Variants in DYDC2 observed in about 807,000 individuals in gnomAD.
DYDC2 encodes DPY30 domain containing 2.
In DYDC2, 19 loss-of-function variants were observed where a neutral mutation model predicts 18.7. The observed-to-expected ratio is 1.02, with a 90% confidence interval of 0.71 to 1.49. The LOEUF (loss-of-function observed/expected upper bound fraction) is 1.49. Among genes scored for constraint, DYDC2 ranks in the 40% most tolerant of loss-of-function variants. The probability of loss-of-function intolerance (pLI) is 0.00; values close to 1 mark genes in which losing one functional copy is unlikely to be tolerated. For missense variants in DYDC2, 179 were observed against 205.1 expected (o/e 0.87, Z 0.78); for synonymous variants, 63 against 67.6 (o/e 0.93, Z 0.34).
At chr10:80,352,546 G>T, upstream of DYDC2, 1 of 1,613,430 alleles carries the variant, frequency 6.2e-7, no homozygotes, top group Non-Finnish European at 8.5e-7. Context: ...TGCCACTTCT[G>T]CAAGACCTTG....
At chr10:80,360,163 C>T (rs1055407801) in intron 2 of DYDC2, among the ~76,000 whole-genome samples, 3 of 152,238 alleles carry the variant, frequency 2.0e-5, no homozygotes, top group Non-Finnish European at 4.4e-5. Context: ...GGAGACACCA[C>T]CCACCTCTGT....
At position 80,367,126 on chromosome 10, in the gene DYDC2, A is replaced by G. The variant is rs1403895496; in HGVS notation, c.*175A>G. On this transcript the variant is annotated 3_prime_UTR_variant, in exon 5 of 5. Coordinates refer to ENST00000256039, the MANE Select transcript of DYDC2 (RefSeq NM_032372.6). ...ACATTTGAACTAGTTATAGGATAAA[A>G]TAAACTCAGAATAAGGATTTAAAAT... 4.2e-6 allele frequency: 3 copies of G among 716,694 alleles called. No individual in the cohort carries two copies. The highest frequency in any genetic ancestry group is 2.9e-5 in the East Asian group (1 of 34,610). The allele number at this position is 716,694 out of a possible 1,614,324, so 44.4% of individuals were successfully genotyped here. A position where few individuals can be genotyped will look rare whatever the true frequency, so the allele number is the denominator to read the frequency against.
chr10:80,356,626 C>T, upstream of DYDC2: 3 of 985,270 alleles, frequency 3.0e-6, no homozygotes, highest in South Asian at 4.7e-5. Flanking sequence ...CAAGGCCCAA[C>T]GGTCAGAACC....
At position 80,366,724 on chromosome 10, in the gene DYDC2, A is replaced by G. The variant is rs753930252; in HGVS notation, c.307A>G (p.Ile103Val). The G allele has an allele frequency of 3.1e-6, 5 of 1,612,414 alleles. No individual in the cohort carries two copies. The highest frequency in any genetic ancestry group is 1.1e-5 in the South Asian group (1 of 90,714). Residue 103 changes from isoleucine (I) to valine (V), a missense_variant, in exon 5 of 5, where the codon ATA (isoleucine) becomes GTA (valine). Transcript: ENST00000256039. ...TSETVSTKKTIFMQEDTNPLE... is the reference protein window; with the variant it reads ...TSETVSTKKTVFMQEDTNPLE... ...TGAAACTGTTTCCACGAAGAAGACC[A>G]TATTCATGCAGGAGGACACAAACCC...
chr10:80,359,641 G>A (rs1010240839), intron 2 of DYDC2, among the ~76,000 whole-genome samples: 1 of 152,176 alleles, frequency 6.6e-6, no homozygotes, highest in South Asian at 2.1e-4. Flanking sequence ...GCCCCGTGGG[G>A]AGGCAGTAGA....
At chr10:80,366,111 C>A (rs1033637269) in intron 4 of DYDC2, among the ~76,000 whole-genome samples, 1 of 136,766 alleles carries the variant, frequency 7.3e-6, no homozygotes, top group African/African-American at 2.8e-5. Context: ...TGGCTCACTG[C>A]AACCTCTGCC....
chr10:80,346,783 A>G (rs1205585712), intron 1 of DYDC2, among the ~76,000 whole-genome samples: 1 of 151,836 alleles, frequency 6.6e-6, no homozygotes, highest in Non-Finnish European at 1.5e-5. Flanking sequence ...TTCTGATAAC[A>G]GCCATCTTAG....
At chr10:80,351,457 A>G (rs908301567) in intron 1 of DYDC2, among the ~76,000 whole-genome samples, 5 of 151,128 alleles carry the variant, frequency 3.3e-5, no homozygotes, top group African/African-American at 1.2e-4. Context: ...CATTGCCTAC[A>G]TTTTCCACCT....
chr10:80,353,960 A>T (rs2132849206), upstream of DYDC2, among the ~76,000 whole-genome samples: 1 of 152,044 alleles, frequency 6.6e-6, no homozygotes, highest in South Asian at 2.1e-4. Flanking sequence ...CTGAAAATAC[A>T]AACAAATTAG....
rs755351824 is a variant in DYDC2 at position 80,366,928 on chromosome 10, C to T, written c.511C>T (p.Pro171Ser). 6.2e-7 allele frequency: 1 copy of T among 1,613,444 alleles called. No homozygotes were observed. The highest frequency in any genetic ancestry group is 8.5e-7 in the Non-Finnish European group (1 of 1,179,802). ...FQHEVAHEMP[P>S]GSKSPF is the part of the protein sequence containing the mutation. ...GCATGAAGTTGCTCATGAAATGCCT[C>T]CTGGCTCCAAATCTCCTTTTTAGGT... The change falls in exon 5 of 5, where the codon CCT becomes TCT. Residue 171 changes from proline to serine, a missense_variant. By Grantham distance (74) the Pro-to-Ser change is moderately conservative. Coordinates refer to ENST00000256039, the MANE Select transcript of DYDC2 (RefSeq NM_032372.6).
intron 2 of DYDC2, among the ~76,000 whole-genome samples, chr10:80,360,426 T>C (rs1464425864): frequency 6.6e-6 from 1 of 152,190 alleles, no homozygotes; most frequent in African/African-American, 2.4e-5. Flanking sequence ...CCGTACTGTG[T>C]CCCTCTTATA....
chr10:80,346,919 A>G (rs971439948), intron 1 of DYDC2, among the ~76,000 whole-genome samples: 1 of 151,868 alleles, frequency 6.6e-6, no homozygotes, highest in African/African-American at 2.4e-5. Flanking sequence ...TACTAAAAAT[A>G]CAAAAAAAAA....
intron 1 of DYDC2, among the ~76,000 whole-genome samples, chr10:80,346,477 T>TTTTTC (rs1589508887): frequency 1.4e-5 from 2 of 142,938 alleles, no homozygotes; most frequent in Admixed American, 7.2e-5. Context: ...TTTTTCTTTT[T>TTTTTC]TGAGACGGAG....
In DYDC2 at chr10:80,366,941, C is replaced by T. The variant is rs994057331; in HGVS notation, c.524C>T (p.Ser175Phe). Residue 175 changes from serine (S) to phenylalanine (F), a missense_variant, in exon 5 of 5, where the codon TCT becomes TTT. Transcript: ENST00000256039. ...VAHEMPPGSK[S>F]PF The stretch of plus-strand genomic sequence containing the variant: ...CATGAAATGCCTCCTGGCTCCAAAT[C>T]TCCTTTTTAGGTTACAGAAGGTAGA... 2 of 1,612,558 alleles carry T rather than the reference C, an allele frequency of 1.2e-6. No individual in the cohort carries two copies. Among genetic ancestry groups the T allele is most frequent in the Non-Finnish European group, 8.5e-7 (1 of 1,179,450 alleles).
At chr10:80,357,038 A>G (rs1436114069) in intron 1 of DYDC2, among the ~76,000 whole-genome samples, 1 of 100,886 alleles carries the variant, frequency 9.9e-6, no homozygotes, top group Non-Finnish European at 2.0e-5. Context: ...GGCGCCCGGC[A>G]GAGAGAAGGG....
chr10:80,351,793 C>A, upstream of DYDC2: 1 of 934,818 alleles, frequency 1.1e-6, no homozygotes. Context: ...TATTAGGAAG[C>A]CATATCTAAA....
At chr10:80,366,636 G>C in intron 4 of DYDC2, 52 bp from the exon 5 acceptor site, 1 of 1,538,524 alleles carries the variant, frequency 6.5e-7, no homozygotes, top group East Asian at 2.3e-5. Context: ...CATACATCTT[G>C]TGTGCTTTAG....
intron 1 of DYDC2, among the ~76,000 whole-genome samples, chr10:80,350,103 CCTAT>C (rs556141781): frequency 1.3e-3 from 203 of 152,272 alleles, no homozygotes; most frequent in African/African-American, 4.5e-3. Context: ...ATCGATCTCT[CCTAT>C]CTATTTCTGC....
upstream of DYDC2, among the ~76,000 whole-genome samples, chr10:80,353,668 A>G (rs892883431): frequency 6.7e-5 from 10 of 150,182 alleles, no homozygotes; most frequent in African/African-American, 2.2e-4. Flanking sequence ...TGGCTAACGG[A>G]TCTCCTTCAT....
Sources: gnomAD v4.1 joint callset for allele counts (sites outside exome capture counted in the v4.1 genomes callset) on GRCh38, gnomAD v4.1.1 for gene constraint, MANE v1.5 for transcripts, NCBI Gene and HGNC (gene_info 2026-07-23, HGNC 2026-07-21) for gene names.